The following MAP6 variants were observed in gnomAD, a reference collection of about 807,000 sequenced individuals.
The protein encoded by MAP6 is microtubule associated protein 6, also known as microtubule-associated protein 6.
MAP6 carries 26 observed loss-of-function variants against 42.4 expected under a neutral mutation model. The observed-to-expected ratio is 0.61, with a 90% CI of 0.45 to 0.85. The LOEUF (loss-of-function observed/expected upper bound fraction) is 0.85, where lower values mean the gene tolerates loss of function less well. Ranked by LOEUF, MAP6 falls within the 40% of genes least tolerant of loss-of-function variation. The pLI is 0.00. For synonymous variants in MAP6, 418 were observed against 443.8 expected, an observed-to-expected ratio of 0.94 and a Z score of 0.73; for missense variants, 966 against 1,099.0, an observed-to-expected ratio of 0.88 and a Z score of 1.71.
intron 1 of MAP6, among the ~76,000 whole-genome samples, chr11:75,614,519 C>T (rs1942961894): frequency 6.6e-6 from 1 of 152,144 alleles, no homozygotes; most frequent in Non-Finnish European, 1.5e-5. Context: ...AGCAAGCTGC[C>T]ATGTCATAAG....
At chr11:75,631,811 G>A (rs1943288374) in intron 1 of MAP6, among the ~76,000 whole-genome samples, 1 of 152,244 alleles carries the variant, frequency 6.6e-6, no homozygotes, top group Non-Finnish European at 1.5e-5. Flanking sequence ...TGCTGTCGCA[G>A]GAGATAGGCA....
chr11:75,598,210 T>C (rs183701287), intron 3 of MAP6, among the ~76,000 whole-genome samples: 7 of 152,348 alleles, frequency 4.6e-5, no homozygotes, highest in Admixed American at 4.6e-4. Context: ...ATTATTGTTA[T>C]CTATTGGAGG....
intron 1 of MAP6, among the ~76,000 whole-genome samples, chr11:75,631,693 A>T (rs1295853762): frequency 1.3e-5 from 2 of 152,248 alleles, no homozygotes; most frequent in Admixed American, 1.3e-4. Flanking sequence ...GTGAAATTCA[A>T]TTGAAGCAGA....
chr11:75,593,317 A>G (rs1246988923), intron 3 of MAP6, among the ~76,000 whole-genome samples: 1 of 152,226 alleles, frequency 6.6e-6, no homozygotes, highest in East Asian at 1.9e-4. Flanking sequence ...CCTATTTGCA[A>G]AACTTAATGT....
At chr11:75,597,896 C>G (rs1942609601) in intron 3 of MAP6, among the ~76,000 whole-genome samples, 1 of 152,144 alleles carries the variant, frequency 6.6e-6, no homozygotes, top group Non-Finnish European at 1.5e-5. Flanking sequence ...CTCCAGCTGC[C>G]ATACTGTTAG....
At chr11:75,662,920 G>A (rs923586485) in intron 1 of MAP6, among the ~76,000 whole-genome samples, 4 of 150,768 alleles carry the variant, frequency 2.7e-5, no homozygotes, top group Non-Finnish European at 4.4e-5. Context: ...GCCCTTCTCC[G>A]TTTGAACATT....
chr11:75,633,606 CAG>C (rs1455443951), intron 1 of MAP6, among the ~76,000 whole-genome samples: 1 of 152,120 alleles, frequency 6.6e-6, no homozygotes, highest in Non-Finnish European at 1.5e-5. Context: ...ATAAAGGTGA[CAG>C]AGAGTCACAT....
At chr11:75,628,671 T>C (rs1474482417) in intron 1 of MAP6, among the ~76,000 whole-genome samples, 2 of 152,238 alleles carry the variant, frequency 1.3e-5, no homozygotes, top group African/African-American at 2.4e-5. Flanking sequence ...AGGACTTTTA[T>C]TTCCTGACAT....
chr11:75,648,003 A>T (rs1357741680), intron 1 of MAP6, among the ~76,000 whole-genome samples: 1 of 152,218 alleles, frequency 6.6e-6, no homozygotes, highest in Non-Finnish European at 1.5e-5. Context: ...TCCAGAAACA[A>T]ATGAGGGAAC....
chr11:75,588,557 T>C (rs560940759), intron 3 of MAP6, among the ~76,000 whole-genome samples: 1 of 152,156 alleles, frequency 6.6e-6, no homozygotes, highest in African/African-American at 2.4e-5. Context: ...TCTAGGATCG[T>C]TGGGCCCATC....
intron 1 of MAP6, chr11:75,642,971 A>C (rs1001890902): frequency 2.5e-6 from 1 of 405,670 alleles, no homozygotes; most frequent in African/African-American, 2.0e-5. Flanking sequence ...CTTGTTTGTC[A>C]ATAATGTGAG....
At chr11:75,605,724 T>G in intron 3 of MAP6, 84 bp downstream of exon 3, 1 of 1,562,090 alleles carries the variant, frequency 6.4e-7, no homozygotes, top group Non-Finnish European at 8.6e-7. Flanking sequence ...TTTTGTGGCC[T>G]TTTTTGGTTT....
intron 3 of MAP6, among the ~76,000 whole-genome samples, chr11:75,590,706 C>T (rs975940873): frequency 1.3e-5 from 2 of 151,812 alleles, no homozygotes; most frequent in African/African-American, 2.4e-5. Flanking sequence ...TAAGAAAAAC[C>T]CTGTAATCCC....
At chr11:75,630,123 G>A (rs778022652) in intron 1 of MAP6, among the ~76,000 whole-genome samples, 10 of 152,082 alleles carry the variant, frequency 6.6e-5, no homozygotes, top group Non-Finnish European at 1.5e-4. Context: ...TGTCTTCATC[G>A]TGGTCTTCCG....
At chr11:75,589,626 G>A (rs946876807) in intron 3 of MAP6, among the ~76,000 whole-genome samples, 6 of 152,076 alleles carry the variant, frequency 3.9e-5, no homozygotes, top group African/African-American at 1.2e-4. Context: ...GGATCCTTCC[G>A]CTCCTGGATC....
chr11:75,632,832 A>G (rs1379759614), intron 1 of MAP6, among the ~76,000 whole-genome samples: 2 of 152,156 alleles, frequency 1.3e-5, no homozygotes, highest in African/African-American at 2.4e-5. Flanking sequence ...TCATAGAGAT[A>G]ATTTAATTCA....
chr11:75,599,574 C>A (rs1037865132), intron 3 of MAP6, among the ~76,000 whole-genome samples: 5 of 152,146 alleles, frequency 3.3e-5, no homozygotes, highest in Non-Finnish European at 7.3e-5. Context: ...ATAGATCTGA[C>A]CCCATTCTTA....
At chr11:75,653,956 TG>T (rs1943694647) in intron 1 of MAP6, among the ~76,000 whole-genome samples, 1 of 152,250 alleles carries the variant, frequency 6.6e-6, no homozygotes, top group East Asian at 1.9e-4. Flanking sequence ...GAGCACTGTA[TG>T]TACACATCTT....
At chr11:75,651,780 A>G (rs1307198369) in intron 1 of MAP6, among the ~76,000 whole-genome samples, 2 of 152,230 alleles carry the variant, frequency 1.3e-5, no homozygotes, top group Non-Finnish European at 2.9e-5. Context: ...GATGTGCTTA[A>G]TAAGGCACAG....
Sources: gnomAD v4.1 joint callset for allele counts (sites outside exome capture counted in the v4.1 genomes callset) on GRCh38, gnomAD v4.1.1 for gene constraint, MANE v1.5 for transcripts, NCBI Gene and HGNC (gene_info 2026-07-23, HGNC 2026-07-21) for gene names.